The following CAND1 variants were observed in gnomAD, a reference collection of about 807,000 sequenced individuals.
CAND1 encodes the protein cullin associated and neddylation dissociated 1, also known as cullin-associated NEDD8-dissociated protein 1.
CAND1 carries 7 observed loss-of-function variants against 108.5 expected under a neutral mutation model. That is an observed-to-expected ratio of 0.06 (90% CI 0.04 to 0.12). The LOEUF (loss-of-function observed/expected upper bound fraction) is 0.12, where lower values mean the gene tolerates loss of function less well. Ranked by LOEUF, CAND1 falls within the 10% of genes least tolerant of loss-of-function variation. The probability of loss-of-function intolerance (pLI) is 1.00; values close to 1 mark genes in which losing one functional copy is unlikely to be tolerated. For missense variants in CAND1, 941 were observed against 1,448.7 expected, an observed-to-expected ratio of 0.65 and a Z score of 5.69; for synonymous variants, 534 against 512.0, an observed-to-expected ratio of 1.04 and a Z score of -0.58.
At chr12:67,289,677 T>C in intron 2 of CAND1, among the ~76,000 whole-genome samples, 1 of 152,218 alleles carries the variant, frequency 6.6e-6, no homozygotes, top group East Asian at 1.9e-4. Flanking sequence ...ACTATTCTGC[T>C]GAAAGCTAGA....
intron 10 of CAND1, 107 bp from the exon 11 acceptor site, chr12:67,307,290 A>G: frequency 5.3e-6 from 4 of 753,926 alleles, no homozygotes; most frequent in Non-Finnish European, 9.2e-6. Flanking sequence ...GCCAAGGAGA[A>G]TTCTAAGGCA....
rs892580749 is a variant in CAND1, at chr12:67,302,412, A to G, written c.1090A>G (p.Arg364Gly). ...GTGCTTGGATGCTGTAGTTAGCACA[A>G]GGCATGAAATGCTTCCAGAATTCTA... Reference protein sequence around the residue: ...AKCLDAVVSTRHEMLPEFYKT... With the variant: ...AKCLDAVVSTGHEMLPEFYKT... Residue 364 changes from arginine (R) to glycine (G), a missense_variant, in exon 8 of 15, where the codon AGG becomes GGG. Transcript: ENST00000545606. The G allele has an allele frequency of 1.9e-6, 3 of 1,613,984 alleles. No individual in the cohort carries two copies.
In CAND1 at chr12:67,305,883, A is replaced by C; in HGVS notation, c.2215A>C (p.Ile739Leu). The C allele has an allele frequency of 6.2e-7, 1 of 1,614,178 alleles. No individual in the cohort carries two copies. The highest frequency in any genetic ancestry group is 1.1e-5 in the South Asian group (1 of 91,076). Residue 739 changes from isoleucine to leucine, a missense_variant, in exon 10 of 15, where the codon ATT (isoleucine) becomes CTT (leucine). Ile to Leu is a conservative substitution (Grantham distance 5). Transcript: ENST00000545606. The surrounding 1 kb of genome is among the most constrained non-coding windows in gnomAD (Gnocchi z 4.4). ...KISGSILNEL[I>L]GLVRSPLLQG... ...AAGTGGATCCATTCTCAATGAACTT[A>C]TTGGACTTGTGAGATCACCCTTATT...
At chr12:67,292,467 AT>A (rs1565721075) in intron 2 of CAND1, among the ~76,000 whole-genome samples, 154 bp from the exon 3 acceptor site, 1 of 152,128 alleles carries the variant, frequency 6.6e-6, no homozygotes, top group Admixed American at 6.5e-5. Flanking sequence ...ACCAATCACA[AT>A]TTTTTATGTC....
chr12:67,306,439 G>C lies in CAND1; in HGVS notation c.2771G>C (p.Gly924Ala). The C allele has an allele frequency of 6.2e-7, 1 of 1,614,040 alleles. No individual in the cohort carries two copies. Among genetic ancestry groups the C allele is most frequent in the Non-Finnish European group, 8.5e-7 (1 of 1,179,970 alleles). ...KEIISSASVV[G>A]LKPYVENIWA... is the part of the protein sequence containing the mutation. ...ATTATTAGCTCTGCATCAGTGGTGG[G>C]CCTTAAACCATATGTTGAAAACATC... Residue 924 changes from glycine to alanine, a missense_variant, in exon 10 of 15, where the codon GGC becomes GCC. Coordinates refer to ENST00000545606, the MANE Select transcript of CAND1 (RefSeq NM_018448.5).
intron 1 of CAND1, chr12:67,270,445 T>TA (rs1406301957): frequency 6.6e-6 from 1 of 152,244 alleles, no homozygotes; most frequent in Non-Finnish European, 1.5e-5. Flanking sequence ...TCTTGTCAGG[T>TA]AAAACCAACT....
chr12:67,299,170 T>C, intron 7 of CAND1, 75 bp downstream of exon 7: 1 of 1,335,284 alleles, frequency 7.5e-7, no homozygotes. Context: ...TTAGTCCAAA[T>C]TGTACTGTTT....
chr12:67,297,220 C>T (rs2136009443), intron 4 of CAND1, 187 bp from the exon 5 acceptor site: 2 of 680,380 alleles, frequency 2.9e-6, no homozygotes, highest in East Asian at 2.7e-5. Context: ...GTGCTGCATT[C>T]ACTTAGCTCA....
chr12:67,289,044 G>C (rs1477286593), intron 2 of CAND1, among the ~76,000 whole-genome samples: 2 of 152,026 alleles, frequency 1.3e-5, no homozygotes, highest in African/African-American at 4.8e-5. Context: ...TTCAAGATTG[G>C]TGTATGTGCA....
chr12:67,288,831 G>C (rs985808860), intron 2 of CAND1, among the ~76,000 whole-genome samples: 1 of 152,216 alleles, frequency 6.6e-6, no homozygotes, highest in East Asian at 1.9e-4. Flanking sequence ...ACTGCTTGTT[G>C]AGAAGAGGGC....
intron 7 of CAND1, 87 bp from the exon 8 acceptor site, chr12:67,302,236 T>A: frequency 8.2e-7 from 1 of 1,220,962 alleles, no homozygotes; most frequent in East Asian, 2.3e-5. Context: ...TTAACTGATT[T>A]GGTTAAGAAT....
rs2045033082 is a variant in CAND1 at position 67,318,799 on chromosome 12, A to G, written c.*5969A>G. 6.6e-6 allele frequency: 1 copy of G among 152,248 alleles called. No homozygotes were observed. The highest frequency in any genetic ancestry group is 2.4e-5 in the African/African-American group (1 of 41,458). The allele number at this position is 152,248 out of a possible 1,614,324, so 9.4% of individuals were successfully genotyped here. A position where few individuals can be genotyped will look rare whatever the true frequency, so the allele number is the denominator to read the frequency against. On this transcript the variant is annotated 3_prime_UTR_variant, in exon 15 of 15. Coordinates refer to ENST00000545606, the MANE Select transcript of CAND1 (RefSeq NM_018448.5). ...GGGAAGACTGACATAAGGAAGCACC[A>G]TAAAATTCTGCTGTATGAGAGGTAT...
chr12:67,301,225 T>C (rs2044822027), intron 7 of CAND1, among the ~76,000 whole-genome samples: 1 of 152,162 alleles, frequency 6.6e-6, no homozygotes, highest in East Asian at 1.9e-4. Flanking sequence ...TTTCCTGTAA[T>C]GTGCTAAGGT....
In CAND1 at chr12:67,317,950, A is replaced by G. The variant is rs1229645309; in HGVS notation, c.*5120A>G. The G allele has an allele frequency of 6.6e-6, 1 of 152,214 alleles. No individual in the cohort carries two copies. The highest frequency in any genetic ancestry group is 2.4e-5 in the African/African-American group (1 of 41,432). 9.4% of individuals were successfully genotyped at this position (152,214 alleles called of 1,614,324 possible). On this transcript the variant is annotated 3_prime_UTR_variant, in exon 15 of 15. Transcript: ENST00000545606. ...TCTCTTTGCTGATGGCATCCCATTT[A>G]CCCAGTCATTCAAACTGGAAATCTA...
chr12:67,289,070 T>G (rs2044698757), intron 2 of CAND1, among the ~76,000 whole-genome samples: 1 of 152,212 alleles, frequency 6.6e-6, no homozygotes, highest in Admixed American at 6.5e-5. Flanking sequence ...ATCTTCTTTA[T>G]TTCTTGTTTT....
Position 67,297,460 on chromosome 12 carries a change from C to A in CAND1, c.545C>A (p.Pro182His), listed in dbSNP as rs749107015. The A allele has an allele frequency of 4.3e-6, 7 of 1,613,572 alleles. No individual in the cohort carries two copies. The highest frequency in any genetic ancestry group is 5.9e-6 in the Non-Finnish European group (7 of 1,179,738). Residue 182 changes from proline (P) to histidine (H), a missense_variant, in exon 5 of 15, where the codon CCC (proline) becomes CAC (histidine). Pro to His is a moderately conservative substitution (Grantham distance 77). Coordinates refer to ENST00000545606, the MANE Select transcript of CAND1 (RefSeq NM_018448.5). ...FHPSILTCLL[P>H]QLTSPRLAVR... The stretch of plus-strand genomic sequence containing the variant: ...CCTTCAATTCTGACCTGTCTACTTC[C>A]CCAGTTGACCAGCCCTAGACTTGCA...
chr12:67,293,476 G>A (rs1226899764), intron 3 of CAND1, among the ~76,000 whole-genome samples: 2 of 152,130 alleles, frequency 1.3e-5, no homozygotes, highest in East Asian at 3.9e-4. Context: ...TCTGGGGGCC[G>A]GGCGAGGTGG....
chr12:67,298,890 AG>A (rs1414512452), intron 6 of CAND1, 59 bp from the exon 7 acceptor site: 1 of 963,496 alleles, frequency 1.0e-6, no homozygotes, highest in East Asian at 2.4e-5. Context: ...AAAATGTGGC[AG>A]GTAATGAATC....
chr12:67,297,460 C>G lies in CAND1; in HGVS notation c.545C>G (p.Pro182Arg). The G allele has an allele frequency of 6.2e-7, 1 of 1,613,690 alleles. No individual in the cohort carries two copies. Among genetic ancestry groups the G allele is most frequent in the Non-Finnish European group, 8.5e-7 (1 of 1,179,730 alleles). ...CCTTCAATTCTGACCTGTCTACTTCCCCAGTTGACCAGCCCTAGACTTGCA... is the reference window on the plus strand; with the variant it reads ...CCTTCAATTCTGACCTGTCTACTTCGCCAGTTGACCAGCCCTAGACTTGCA... Reference protein sequence around the residue: ...FHPSILTCLLPQLTSPRLAVR... With the variant: ...FHPSILTCLLRQLTSPRLAVR... The change falls in exon 5 of 15, where the codon CCC becomes CGC. Residue 182 changes from proline (P) to arginine (R), a missense_variant. Pro to Arg is a moderately radical substitution (Grantham distance 103). This residue lies in a region of CAND1 where 697 missense variants were observed against 942.0 expected (regional missense o/e 0.74). Transcript: ENST00000545606.
Sources: allele counts gnomAD v4.1 joint callset (sites outside exome capture counted in the v4.1 genomes callset), GRCh38; gene constraint gnomAD v4.1.1; regional missense constraint gnomAD v4.1.1; non-coding constraint Gnocchi (gnomAD v3.1); transcripts MANE v1.5; gene names NCBI Gene and HGNC (gene_info 2026-07-23, HGNC 2026-07-21).